The following PLPPR5 variants were observed in gnomAD, a reference collection of about 807,000 sequenced individuals.
PLPPR5 encodes the protein phospholipid phosphatase-related protein type 5.
Under a neutral mutation model 33.9 loss-of-function variants are expected in PLPPR5, and 16 were observed. The observed-to-expected ratio is 0.47, with a 90% CI of 0.32 to 0.72. The LOEUF is 0.72. Ranked by LOEUF, PLPPR5 falls within the 30% of genes least tolerant of loss-of-function variation. PLPPR5 has a pLI of 0.03. For synonymous variants in PLPPR5, 163 were observed against 150.3 expected (o/e 1.08, Z -0.62); for missense variants, 301 against 406.7 (o/e 0.74, Z 2.23).
chr1:98,923,422 C>T lies in PLPPR5; in HGVS notation c.622-1364G>A, dbSNP rs561971599. Reference sequence around the variant, plus strand: ...TAACTATTGTCCCTGGTTAAATAAACAATACATCTGCCTAAGAGAGTAAAC... The same window carrying T: ...TAACTATTGTCCCTGGTTAAATAAATAATACATCTGCCTAAGAGAGTAAAC... On this transcript the variant is annotated intron_variant, in intron 3 of 5. Transcript: ENST00000263177. Among the ~76,000 whole-genome samples the T allele has an allele frequency of 3.9e-5, 6 of 152,166 alleles. No individual in the cohort carries two copies. The East Asian group carries it at 5.8e-4, about 15-fold the overall frequency.
intron 2 of PLPPR5, 36 bp downstream of exon 2, chr1:98,956,573 T>G: frequency 2.6e-6 from 4 of 1,529,028 alleles, no homozygotes; most frequent in Non-Finnish European, 3.5e-6. Flanking sequence ...TAGACACTGT[T>G]TCAGAAATAT....
chr1:98,924,065 C>A (rs1649666983), intron 3 of PLPPR5, among the ~76,000 whole-genome samples: 1 of 152,142 alleles, frequency 6.6e-6, no homozygotes, highest in Non-Finnish European at 1.5e-5. Flanking sequence ...ATATTCTGTC[C>A]TCATTGAGAC....
intron 3 of PLPPR5, among the ~76,000 whole-genome samples, chr1:98,937,926 C>T (rs547962801): frequency 8.7e-4 from 133 of 152,202 alleles, no homozygotes; most frequent in African/African-American, 3.2e-3. Flanking sequence ...AATAAGCATA[C>T]TTTTGTTACA....
chr1:98,932,421 T>C (rs1052980630), intron 3 of PLPPR5, among the ~76,000 whole-genome samples: 3 of 152,126 alleles, frequency 2.0e-5, no homozygotes, highest in African/African-American at 7.2e-5. Flanking sequence ...TGGCACAGGG[T>C]CACTCAATGG....
intron 2 of PLPPR5, 69 bp downstream of exon 2, chr1:98,956,540 T>C (rs1651006388): frequency 5.0e-6 from 7 of 1,395,858 alleles, no homozygotes; most frequent in Non-Finnish European, 6.6e-6. Context: ...ACATGTGGGT[T>C]ATTTTAAGGT....
intron 4 of PLPPR5, among the ~76,000 whole-genome samples, chr1:98,915,858 T>C (rs1649324826): frequency 1.3e-5 from 2 of 152,170 alleles, no homozygotes; most frequent in South Asian, 4.1e-4. Context: ...TAAGAAATAA[T>C]GAATTAAACA....
chr1:98,952,671 T>C (rs1218255797), intron 3 of PLPPR5, among the ~76,000 whole-genome samples: 1 of 152,152 alleles, frequency 6.6e-6, no homozygotes, highest in African/African-American at 2.4e-5. Context: ...AAAAAGAGTG[T>C]CCCTTTCATC....
At chr1:98,896,813 C>A (rs755123879) in intron 5 of PLPPR5, among the ~76,000 whole-genome samples, 2 of 151,924 alleles carry the variant, frequency 1.3e-5, no homozygotes, top group Non-Finnish European at 2.9e-5. Flanking sequence ...TTATTCTACA[C>A]CTCCACATAG....
At chr1:98,946,475 T>C (rs1650556063) in intron 3 of PLPPR5, among the ~76,000 whole-genome samples, 1 of 152,194 alleles carries the variant, frequency 6.6e-6, no homozygotes, top group South Asian at 2.1e-4. Flanking sequence ...ATGTACACCC[T>C]CGTGCTGAGG....
At chr1:98,913,533 C>G (rs1488717765) in intron 5 of PLPPR5, among the ~76,000 whole-genome samples, 1 of 152,154 alleles carries the variant, frequency 6.6e-6, no homozygotes, top group African/African-American at 2.4e-5. Flanking sequence ...TGCAATTAAC[C>G]TGGATGTACC....
chr1:98,915,867 C>A (rs1449611367), intron 4 of PLPPR5, among the ~76,000 whole-genome samples: 1 of 152,092 alleles, frequency 6.6e-6, no homozygotes, highest in Non-Finnish European at 1.5e-5. Flanking sequence ...ATGAATTAAA[C>A]ATACCAGGAA....
chr1:98,959,164 G>C (rs575534066), intron 1 of PLPPR5, among the ~76,000 whole-genome samples: 1 of 152,270 alleles, frequency 6.6e-6, no homozygotes, highest in African/African-American at 2.4e-5. Context: ...CCTGTACCTA[G>C]TTCCTAAAAC....
In PLPPR5 at chr1:98,932,670, A is replaced by G. The variant is rs1650022723; in HGVS notation, c.622-10612T>C. 3.9e-5 allele frequency among the ~76,000 whole-genome samples: 6 copies of G among 152,300 alleles called. No homozygotes were observed. The South Asian group carries it at 1.2e-3, about 32-fold the overall frequency. ...CCAGGAATCTATTGATTTTTCTAAA[A>G]TCTAATGTACTTAACAGGCTATGGT... is the stretch of plus-strand genomic sequence containing the variant. On this transcript the variant is annotated intron_variant, in intron 3 of 5. Coordinates refer to ENST00000263177, the MANE Select transcript of PLPPR5 (RefSeq NM_001037317.2).
At chr1:98,988,837 C>T (rs1018593434) in intron 1 of PLPPR5, among the ~76,000 whole-genome samples, 3 of 152,082 alleles carry the variant, frequency 2.0e-5, no homozygotes, top group Non-Finnish European at 4.4e-5. Context: ...ATTTCTCAAT[C>T]GGTGCCTTCT....
At chr1:98,926,250 GC>G (rs1649760366) in intron 3 of PLPPR5, among the ~76,000 whole-genome samples, 1 of 152,094 alleles carries the variant, frequency 6.6e-6, no homozygotes, top group Non-Finnish European at 1.5e-5. Context: ...AAAGAGTACA[GC>G]CCAAAATTAA....
intron 3 of PLPPR5, among the ~76,000 whole-genome samples, chr1:98,932,051 C>T (rs987030052): frequency 4.6e-5 from 7 of 152,016 alleles, no homozygotes; most frequent in Non-Finnish European, 8.8e-5. Context: ...GGTGAAAGTG[C>T]GGTGAGGGAG....
intron 3 of PLPPR5, among the ~76,000 whole-genome samples, chr1:98,943,535 G>A (rs1247355565): frequency 1.3e-5 from 2 of 152,132 alleles, no homozygotes; most frequent in Admixed American, 6.5e-5. Context: ...GGCTGAAAGT[G>A]GATCTATTAA....
At chr1:98,945,988 GT>G (rs1650533855) in intron 3 of PLPPR5, among the ~76,000 whole-genome samples, 1 of 152,110 alleles carries the variant, frequency 6.6e-6, no homozygotes, top group Admixed American at 6.5e-5. Flanking sequence ...GCAGCTCAGA[GT>G]CCCAGCTTAC....
chr1:98,947,771 G>C (rs981367859), intron 3 of PLPPR5, among the ~76,000 whole-genome samples: 6 of 152,122 alleles, frequency 3.9e-5, no homozygotes, highest in African/African-American at 1.4e-4. Context: ...AGGCTAATAG[G>C]TGAAACATCA....
Sources: gnomAD v4.1 joint callset for allele counts (sites outside exome capture counted in the v4.1 genomes callset) on GRCh38, gnomAD v4.1.1 for gene constraint, MANE v1.5 for transcripts, NCBI Gene and HGNC (gene_info 2026-07-23, HGNC 2026-07-21) for gene names.